Variants in RNF212 observed in about 807,000 individuals in gnomAD.
RNF212 encodes the protein ring finger protein 212, also known as probable E3 SUMO-protein ligase RNF212.
A neutral mutation model predicts 34.7 loss-of-function variants in RNF212; 33 were observed. The observed-to-expected ratio is 0.95, with a 90% CI of 0.72 to 1.27. The LOEUF (loss-of-function observed/expected upper bound fraction) is 1.27. RNF212 is among the 50% of genes most tolerant of loss of function. The pLI is 0.00. For missense variants in RNF212, 377 were observed against 362.2 expected (o/e 1.04, Z -0.33); for synonymous variants, 140 against 136.1 (o/e 1.03, Z -0.20).
chr4:1,097,447 A>C (rs1723238510), intron 2 of RNF212, among the ~76,000 whole-genome samples: 1 of 152,058 alleles, frequency 6.6e-6, no homozygotes, highest in Non-Finnish European at 1.5e-5. Context: ...TACTAAAAAT[A>C]TAAAAAAATT....
At chr4:1,083,611 C>A (rs1720700891) in intron 5 of RNF212, among the ~76,000 whole-genome samples, 1 of 151,570 alleles carries the variant, frequency 6.6e-6, no homozygotes, top group South Asian at 2.1e-4. Flanking sequence ...GTACTCCAGC[C>A]TGGGTGACAG....
chr4:1,096,603 C>T, intron 3 of RNF212, 162 bp downstream of exon 3: 1 of 674,348 alleles, frequency 1.5e-6, no homozygotes, highest in Non-Finnish European at 2.6e-6. Context: ...CGGGATAGTG[C>T]ACCTGGCTCA....
chr4:1,107,887 A>G (rs1202046151), intron 2 of RNF212, among the ~76,000 whole-genome samples: 1 of 152,260 alleles, frequency 6.6e-6, no homozygotes, highest in African/African-American at 2.4e-5. Flanking sequence ...TCAGGCAGAG[A>G]AAAGACCAAT....
intron 5 of RNF212, among the ~76,000 whole-genome samples, chr4:1,084,726 CAAAAAAAAAAAA>C: frequency 1.7e-5 from 1 of 60,454 alleles, no homozygotes; most frequent in African/African-American, 7.1e-5. Context: ...GACCCTGTCT[CAAAAAAAAAAAA>C]AAAAAAAAAA....
At position 1,081,338 on chromosome 4, in the gene RNF212, G is replaced by A. The variant is rs1007838053; in HGVS notation, c.464+81C>T. The stretch of plus-strand genomic sequence containing the variant: ...TAGCAAAATCTGGGGGCTTGGAGAG[G>A]GGGTGGGGTTGGGATGGGAAGGCAG... On this transcript the variant is annotated intron_variant, in intron 7 of 9. Transcript: ENST00000433731. The A allele has an allele frequency of 3.4e-6, 4 of 1,187,074 alleles. No individual in the cohort carries two copies. The African/African-American group carries it at 6.0e-5, about 18-fold the overall frequency. The allele number at this position is 1,187,074 out of a possible 1,614,324, so 73.5% of individuals were successfully genotyped here. A position where few individuals can be genotyped will look rare whatever the true frequency, so the allele number is the denominator to read the frequency against.
rs1718505213 is a variant in RNF212, at chr4:1,071,640, C to T, written c.*1234G>A. ...CCAAATACCTTAACAGACACTTCAG[C>T]AAAGAAGATATGCAGATGAAAAATC... On this transcript the variant is annotated 3_prime_UTR_variant, in exon 10 of 10. Coordinates refer to ENST00000433731, the MANE Select transcript of RNF212 (RefSeq NM_001131034.4). 6.6e-6 allele frequency: 1 copy of T among 152,196 alleles called. No homozygotes were observed. Among genetic ancestry groups the T allele is most frequent in the Non-Finnish European group, 1.5e-5 (1 of 68,040 alleles). The allele number at this position is 152,196 out of a possible 1,614,324, so 9.4% of individuals were successfully genotyped here. A position where few individuals can be genotyped will look rare whatever the true frequency, so the allele number is the denominator to read the frequency against.
At chr4:1,069,033 C>G (rs80130161), downstream of RNF212, among the ~76,000 whole-genome samples, 1 of 152,194 alleles carries the variant, frequency 6.6e-6, no homozygotes, top group South Asian at 2.1e-4. Context: ...CATGGCGAAA[C>G]TCCATCTCTA....
intron 1 of RNF212, among the ~76,000 whole-genome samples, chr4:1,111,676 C>G (rs6839768): frequency 0.82 from 124,051 of 152,136 alleles, 52,201 homozygotes; most frequent in East Asian, 1. Flanking sequence ...CTTTTCACCT[C>G]GCTGCCCGAG....
chr4:1,087,447 G>A (rs1474046322), intron 4 of RNF212, among the ~76,000 whole-genome samples: 1 of 112,314 alleles, frequency 8.9e-6, no homozygotes, highest in Non-Finnish European at 1.9e-5. Context: ...AGGATGGGGT[G>A]GGGTGACAAG....
At chr4:1,059,353 C>G (rs1340495597) in intron 3 of RNF212, among the ~76,000 whole-genome samples, 2 of 152,238 alleles carry the variant, frequency 1.3e-5, no homozygotes, top group Admixed American at 6.5e-5. Flanking sequence ...AGCTGTCTTA[C>G]TAGGCTGTGT....
intron 1 of RNF212, 54 bp from the exon 2 acceptor site, chr4:1,108,458 T>G: frequency 2.3e-6 from 2 of 885,900 alleles, no homozygotes; most frequent in Non-Finnish European, 3.3e-6. Flanking sequence ...CTTTTAAATA[T>G]GTATACATGC....
intron 8 of RNF212, among the ~76,000 whole-genome samples, chr4:1,075,572 C>T (rs948053090): frequency 6.6e-6 from 1 of 152,260 alleles, no homozygotes; most frequent in Non-Finnish European, 1.5e-5. Flanking sequence ...ATAACCCAAA[C>T]TTCTGCTACC....
chr4:1,111,444 C>T (rs1156883828), intron 1 of RNF212, among the ~76,000 whole-genome samples: 1 of 152,184 alleles, frequency 6.6e-6, no homozygotes, highest in African/African-American at 2.4e-5. Context: ...CTCAGGGGCC[C>T]TGCACCCCAC....
At chr4:1,085,985 A>C in intron 4 of RNF212, 31 bp from the exon 5 acceptor site, 1 of 1,499,744 alleles carries the variant, frequency 6.7e-7, no homozygotes. Context: ...TCTTGTTATC[A>C]GACAGGCTAT....
intron 3 of RNF212, among the ~76,000 whole-genome samples, chr4:1,094,701 G>T (rs947794391): frequency 6.6e-6 from 1 of 152,154 alleles, no homozygotes; most frequent in Non-Finnish European, 1.5e-5. Context: ...AGAAGGCCCT[G>T]GGTGACTGTC....
chr4:1,076,503 G>A (rs1226787827), intron 8 of RNF212, among the ~76,000 whole-genome samples: 1 of 152,134 alleles, frequency 6.6e-6, no homozygotes, highest in Admixed American at 6.5e-5. Flanking sequence ...GGTTCACCTC[G>A]AGAGAGGCCT....
At chr4:1,062,751 A>C (rs1001879186) in intron 3 of RNF212, among the ~76,000 whole-genome samples, 1 of 152,208 alleles carries the variant, frequency 6.6e-6, no homozygotes, top group Non-Finnish European at 1.5e-5. Context: ...TCGTGGTTGG[A>C]AAGGAAAAAG....
chr4:1,110,686 T>C (rs1305626502), intron 1 of RNF212, among the ~76,000 whole-genome samples: 1 of 152,182 alleles, frequency 6.6e-6, no homozygotes, highest in Non-Finnish European at 1.5e-5. Flanking sequence ...TCTGCATCTA[T>C]AGGAAATGCT....
chr4:1,085,096 G>A lies in RNF212; in HGVS notation c.362+800C>T, dbSNP rs568632293. Among the ~76,000 whole-genome samples the A allele has an allele frequency of 1.1e-3, 172 of 152,348 alleles. 1 individual carries two copies. Among genetic ancestry groups the A allele is most frequent in the Non-Finnish European group, 1.3e-4 (9 of 68,038 alleles). On this transcript the variant is annotated intron_variant, in intron 5 of 9. Transcript: ENST00000433731. ...ACACAGCCAATGGGAGGCAGACAGG[G>A]CTCCTGACTCCTCGACCTCCATGTT...
Sources: gnomAD v4.1 joint callset for allele counts (sites outside exome capture counted in the v4.1 genomes callset) on GRCh38, gnomAD v4.1.1 for gene constraint, MANE v1.5 for transcripts, NCBI Gene and HGNC (gene_info 2026-07-23, HGNC 2026-07-21) for gene names.